Variants in UBR3 observed in about 807,000 individuals in gnomAD.
UBR3 encodes the protein ubiquitin protein ligase E3 component n-recognin 3, also known as E3 ubiquitin-protein ligase UBR3.
Under a neutral mutation model 243.2 loss-of-function variants are expected in UBR3, and 85 were observed. The ratio of observed to expected loss-of-function variants is 0.35; its 90% CI spans 0.29 to 0.42. UBR3 has a LOEUF of 0.42. Ranked by LOEUF, UBR3 falls within the 10% of genes least tolerant of loss-of-function variation. The probability of loss-of-function intolerance (pLI) is 1.00; values close to 1 mark genes in which losing one functional copy is unlikely to be tolerated. For missense variants in UBR3, 1,686 were observed against 2,300.8 expected (o/e 0.73, Z 5.47); for synonymous variants, 748 against 799.8 (o/e 0.94, Z 1.09).
intron 24 of UBR3, among the ~76,000 whole-genome samples, chr2:169,965,549 G>T (rs554327586): frequency 6.6e-6 from 1 of 152,222 alleles, no homozygotes; most frequent in Admixed American, 6.5e-5. Flanking sequence ...AATTACAACA[G>T]TATGCCAGCA....
intron 1 of UBR3, among the ~76,000 whole-genome samples, chr2:169,857,887 G>C (rs1365401440): frequency 1.3e-5 from 2 of 152,106 alleles, no homozygotes; most frequent in Non-Finnish European, 1.5e-5. Context: ...GACCATAGGT[G>C]TGCACCACCA....
In UBR3 at chr2:170,070,023, A is replaced by G. The variant is rs148190811; in HGVS notation, c.5020-3405A>G. ...TTTTTTAAAAAAATATTTTTGATGT[A>G]TGGCTGGTTGAGTACATGGATATGG... On this transcript the variant is annotated intron_variant, in intron 35 of 38. Transcript: ENST00000272793. 6.0e-4 allele frequency among the ~76,000 whole-genome samples: 92 copies of G among 152,152 alleles called. No individual in the cohort carries two copies. In the East Asian group the frequency reaches 8.9e-3, roughly 15 times the overall value.
chr2:169,846,104 T>C (rs2082470293), intron 1 of UBR3, among the ~76,000 whole-genome samples: 1 of 152,178 alleles, frequency 6.6e-6, no homozygotes, highest in Non-Finnish European at 1.5e-5. Context: ...AGGTCTTCTA[T>C]GTTCTTACTG....
chr2:170,071,751 G>A (rs536479842), intron 35 of UBR3, among the ~76,000 whole-genome samples: 16 of 152,154 alleles, frequency 1.1e-4, no homozygotes, highest in Admixed American at 7.2e-4. Context: ...CTTCTTTGTA[G>A]CATATTTCAG....
intron 15 of UBR3, 43 bp from the exon 16 acceptor site, chr2:169,926,790 ATTTTG>A (rs1194526769): frequency 1.3e-6 from 2 of 1,543,996 alleles, no homozygotes; most frequent in East Asian, 2.4e-5. Context: ...TGTCCAGTTA[ATTTTG>A]TTTTAATTTA....
chr2:170,005,506 A>G (rs2089882951), intron 27 of UBR3, among the ~76,000 whole-genome samples: 1 of 152,218 alleles, frequency 6.6e-6, no homozygotes, highest in African/African-American at 2.4e-5. Context: ...GAGTTTTTGA[A>G]GTGGTAGACA....
intron 30 of UBR3, among the ~76,000 whole-genome samples, chr2:170,019,276 G>C (rs2090326432): frequency 6.6e-6 from 1 of 152,206 alleles, no homozygotes; most frequent in South Asian, 2.1e-4. Flanking sequence ...AGTCACTGCA[G>C]TAAATAATTT....
At chr2:170,032,070 CTGTTT>C (rs1432024752) in intron 31 of UBR3, among the ~76,000 whole-genome samples, 1 of 151,948 alleles carries the variant, frequency 6.6e-6, no homozygotes, top group East Asian at 1.9e-4. Context: ...TAGGATAGTT[CTGTTT>C]TAAGTTCTTT....
chr2:169,885,887 C>T (rs2084074599), intron 5 of UBR3, among the ~76,000 whole-genome samples: 1 of 152,056 alleles, frequency 6.6e-6, no homozygotes, highest in African/African-American at 2.4e-5. Flanking sequence ...AGGCTGGGTG[C>T]AGTGGCTCAT....
intron 5 of UBR3, among the ~76,000 whole-genome samples, chr2:169,890,551 A>ATACATATATATATG (rs2084307022): frequency 9.8e-6 from 1 of 102,040 alleles, no homozygotes. Context: ...ATATATATAT[A>ATACATATATATATG]TATATATATA....
chr2:169,855,919 G>A (rs568229237), intron 1 of UBR3, among the ~76,000 whole-genome samples: 3 of 151,826 alleles, frequency 2.0e-5, no homozygotes, highest in Admixed American at 1.3e-4. Flanking sequence ...TCCCAGACGG[G>A]GCAGCCAGGC....
At chr2:169,996,127 G>A (rs1332605683) in intron 26 of UBR3, among the ~76,000 whole-genome samples, 1 of 152,136 alleles carries the variant, frequency 6.6e-6, no homozygotes, top group Non-Finnish European at 1.5e-5. Flanking sequence ...GAATAAATAG[G>A]AACTGACCTA....
chr2:169,840,510 A>G (rs1199450963), intron 1 of UBR3, among the ~76,000 whole-genome samples: 1 of 152,156 alleles, frequency 6.6e-6, no homozygotes, highest in African/African-American at 2.4e-5. Context: ...TGGTTCTCCC[A>G]GGCTGGAGTT....
intron 1 of UBR3, among the ~76,000 whole-genome samples, chr2:169,871,430 AC>A (rs1476875557): frequency 1.1e-4 from 16 of 151,532 alleles, no homozygotes; most frequent in African/African-American, 3.4e-4. Context: ...AAAAAAAAAA[AC>A]AGTTAACTTC....
intron 1 of UBR3, among the ~76,000 whole-genome samples, chr2:169,853,349 TAGAA>T (rs2082728971): frequency 6.6e-6 from 1 of 152,256 alleles, no homozygotes; most frequent in Non-Finnish European, 1.5e-5. Context: ...GTCAGGCAAT[TAGAA>T]AGATGTATAG....
At chr2:170,066,690 G>A (rs2091574964) in intron 35 of UBR3, among the ~76,000 whole-genome samples, 2 of 152,116 alleles carry the variant, frequency 1.3e-5, no homozygotes, top group Admixed American at 1.3e-4. Flanking sequence ...TTATAGGCTG[G>A]GTGCAATGGC....
chr2:169,836,067 A>ATATATATTTTT (rs1558999159), intron 1 of UBR3, among the ~76,000 whole-genome samples: 2 of 32,666 alleles, frequency 6.1e-5, no homozygotes, highest in African/African-American at 2.4e-4. Flanking sequence ...ATATATATAT[A>ATATATATTTTT]TTTTTTTTTT....
At chr2:169,836,636 TAA>T (rs57218732) in intron 1 of UBR3, among the ~76,000 whole-genome samples, 2 of 141,928 alleles carry the variant, frequency 1.4e-5, no homozygotes, top group Non-Finnish European at 1.5e-5. Flanking sequence ...ATTCAGAACT[TAA>T]AAAAAAAAAA....
intron 24 of UBR3, among the ~76,000 whole-genome samples, chr2:169,972,397 C>T (rs1451461422): frequency 6.6e-6 from 1 of 152,058 alleles, no homozygotes; most frequent in East Asian, 1.9e-4. Context: ...AGAGGGAATC[C>T]TCCCTAACTC....
Sources: allele counts gnomAD v4.1 joint callset (sites outside exome capture counted in the v4.1 genomes callset), GRCh38; gene constraint gnomAD v4.1.1; transcripts MANE v1.5; gene names NCBI Gene and HGNC (gene_info 2026-07-23, HGNC 2026-07-21).